Variants in ATRNL1 observed in about 807,000 individuals in gnomAD.
ATRNL1 encodes the protein attractin-like protein 1.
A neutral mutation model predicts 182.7 loss-of-function variants in ATRNL1; 95 were observed. The ratio of observed to expected loss-of-function variants is 0.52; its 90% CI spans 0.44 to 0.62. The LOEUF (loss-of-function observed/expected upper bound fraction) is 0.62, where lower values mean the gene tolerates loss of function less well. Ranked by LOEUF, ATRNL1 falls within the 20% of genes least tolerant of loss-of-function variation. The probability of loss-of-function intolerance (pLI) is 0.00; values close to 1 mark genes in which losing one functional copy is unlikely to be tolerated. For missense variants in ATRNL1, 1,471 were observed against 1,679.5 expected (o/e 0.88, Z 2.17); for synonymous variants, 576 against 568.3 (o/e 1.01, Z -0.19).
At chr10:115,915,225 G>A (rs782001343) in intron 28 of ATRNL1, among the ~76,000 whole-genome samples, 4 of 151,984 alleles carry the variant, frequency 2.6e-5, no homozygotes, top group African/African-American at 9.7e-5. Context: ...GTGAAAGCCC[G>A]TCTCTACTAA....
intron 24 of ATRNL1, among the ~76,000 whole-genome samples, chr10:115,511,947 C>A (rs1171226226): frequency 6.6e-6 from 1 of 151,730 alleles, no homozygotes; most frequent in Non-Finnish European, 1.5e-5. Context: ...TGTCACTAAT[C>A]AGTCTTTATT....
intron 28 of ATRNL1, among the ~76,000 whole-genome samples, chr10:115,941,094 A>G (rs1380699788): frequency 3.3e-5 from 5 of 152,214 alleles, no homozygotes; most frequent in African/African-American, 1.2e-4. Flanking sequence ...GTTCTCTGTG[A>G]GTGCACCACG....
chr10:115,871,532 C>G (rs1479642836), intron 28 of ATRNL1, among the ~76,000 whole-genome samples: 2 of 146,996 alleles, frequency 1.4e-5, no homozygotes, highest in Non-Finnish European at 3.0e-5. Context: ...CATTTGAAAT[C>G]TAATTCCACT....
chr10:115,882,711 G>A (rs1951854072), intron 28 of ATRNL1, among the ~76,000 whole-genome samples: 1 of 152,180 alleles, frequency 6.6e-6, no homozygotes, highest in South Asian at 2.1e-4. Flanking sequence ...AAGAGGATGA[G>A]GAGTAGAATG....
chr10:115,763,798 AT>A (rs1948790862), intron 27 of ATRNL1, among the ~76,000 whole-genome samples: 1 of 152,208 alleles, frequency 6.6e-6, no homozygotes, highest in African/African-American at 2.4e-5. Flanking sequence ...GTATTTAAAA[AT>A]GTATGTATGT....
chr10:115,469,611 T>A (rs976187358), intron 24 of ATRNL1, among the ~76,000 whole-genome samples: 2 of 150,652 alleles, frequency 1.3e-5, no homozygotes, highest in Non-Finnish European at 3.0e-5. Context: ...AATTATATAC[T>A]TTAACTGAGG....
At chr10:115,463,457 G>A (rs1429441327) in intron 22 of ATRNL1, among the ~76,000 whole-genome samples, 1 of 152,034 alleles carries the variant, frequency 6.6e-6, no homozygotes, top group Non-Finnish European at 1.5e-5. Flanking sequence ...ATTTATCAAT[G>A]TGATAAAGTT....
intron 26 of ATRNL1, among the ~76,000 whole-genome samples, chr10:115,639,336 T>G (rs1859084856): frequency 6.6e-6 from 1 of 152,194 alleles, no homozygotes; most frequent in Non-Finnish European, 1.5e-5. Flanking sequence ...CACTGTCAGA[T>G]GAATGCAAAC....
At chr10:115,314,672 T>C (rs560798066) in intron 17 of ATRNL1, among the ~76,000 whole-genome samples, 100 of 152,342 alleles carry the variant, frequency 6.6e-4, no homozygotes, top group Admixed American at 1.9e-3. Flanking sequence ...GCTTTGGTTG[T>C]TAAGTAAAGG....
chr10:115,521,606 C>A (rs1554985224), intron 25 of ATRNL1, among the ~76,000 whole-genome samples: 1 of 152,080 alleles, frequency 6.6e-6, no homozygotes, highest in African/African-American at 2.4e-5. Flanking sequence ...TATTTAAATT[C>A]AATAGCTCTT....
chr10:115,526,300 T>C (rs1168818649), intron 25 of ATRNL1, among the ~76,000 whole-genome samples: 6 of 152,148 alleles, frequency 3.9e-5, no homozygotes, highest in Non-Finnish European at 8.8e-5. Flanking sequence ...GTCATTCATG[T>C]TGGCATTTCT....
intron 22 of ATRNL1, 37 bp downstream of exon 22, chr10:115,462,072 T>G (rs1847826931): frequency 1.4e-6 from 2 of 1,463,088 alleles, no homozygotes; most frequent in Non-Finnish European, 1.9e-6. Context: ...GTATAATTAT[T>G]GGACACAATT....
intron 28 of ATRNL1, among the ~76,000 whole-genome samples, chr10:115,871,123 C>T (rs1378929422): frequency 6.6e-6 from 1 of 151,612 alleles, no homozygotes; most frequent in African/African-American, 2.4e-5. Context: ...AAAAGTTTTT[C>T]TTTTTTTTAT....
At chr10:115,227,018 A>G (rs11197125) in intron 9 of ATRNL1, among the ~76,000 whole-genome samples, 1,995 of 152,102 alleles carry the variant, frequency 0.013, 39 homozygotes, top group African/African-American at 0.046. Flanking sequence ...ATTGGCCTTG[A>G]TAATTTTTGG....
At chr10:115,789,399 C>T (rs971022090) in intron 27 of ATRNL1, among the ~76,000 whole-genome samples, 6 of 152,098 alleles carry the variant, frequency 3.9e-5, no homozygotes, top group African/African-American at 9.7e-5. Flanking sequence ...AAGCCTGAAT[C>T]GCTGCATCTC....
chr10:115,656,391 A>G (rs1860332633), intron 26 of ATRNL1, among the ~76,000 whole-genome samples: 1 of 152,086 alleles, frequency 6.6e-6, no homozygotes, highest in Non-Finnish European at 1.5e-5. Context: ...TTCTCCCCAT[A>G]TCTGTATGGG....
At chr10:115,912,414 A>T (rs1458618492) in intron 28 of ATRNL1, among the ~76,000 whole-genome samples, 4 of 55,842 alleles carry the variant, frequency 7.2e-5, no homozygotes, top group African/African-American at 3.3e-4. Context: ...ATATATATAT[A>T]TTTGTGTGTG....
At chr10:115,591,212 C>T (rs1193066538) in intron 26 of ATRNL1, among the ~76,000 whole-genome samples, 1 of 152,226 alleles carries the variant, frequency 6.6e-6, no homozygotes, top group Non-Finnish European at 1.5e-5. Context: ...TGGAGATAGA[C>T]TCTTTACTCA....
At chr10:115,497,952 G>A (rs1554978874) in intron 24 of ATRNL1, among the ~76,000 whole-genome samples, 1 of 151,950 alleles carries the variant, frequency 6.6e-6, no homozygotes, top group East Asian at 1.9e-4. Flanking sequence ...CATTACACCT[G>A]GCCTACTGCA....
Sources: gnomAD v4.1 joint callset for allele counts (sites outside exome capture counted in the v4.1 genomes callset) on GRCh38, gnomAD v4.1.1 for gene constraint, MANE v1.5 for transcripts, NCBI Gene and HGNC (gene_info 2026-07-23, HGNC 2026-07-21) for gene names.